The following PATJ variants were observed in gnomAD, a reference collection of about 807,000 sequenced individuals.
The protein encoded by PATJ is PATJ crumbs cell polarity complex component.
In PATJ, 190 loss-of-function variants were observed where a neutral mutation model predicts 224.9. That is an observed-to-expected ratio of 0.84 (90% CI 0.75 to 0.95). The LOEUF is 0.95. PATJ is among the 40% of genes least tolerant of loss of function. The probability of loss-of-function intolerance (pLI) is 0.00; values close to 1 mark genes in which losing one functional copy is unlikely to be tolerated. For synonymous variants in PATJ, 769 were observed against 820.3 expected, an observed-to-expected ratio of 0.94 and a Z score of 1.07; for missense variants, 2,121 against 2,270.3, an observed-to-expected ratio of 0.93 and a Z score of 1.34.
At chr1:62,002,742 A>AGG (rs374729730) in intron 28 of PATJ, among the ~76,000 whole-genome samples, 5,378 of 148,876 alleles carry the variant, frequency 0.036, 256 homozygotes, top group African/African-American at 0.1. Flanking sequence ...AAAGAGAGAG[A>AGG]GAAACTGGAG....
chr1:62,084,414 G>A, intron 32 of PATJ, 101 bp from the exon 33 acceptor site: 1 of 1,272,168 alleles, frequency 7.9e-7, no homozygotes, highest in Non-Finnish European at 1.1e-6. Context: ...AAAGAGTGCA[G>A]TGATAAACAC....
chr1:61,889,599 A>G (rs1255508351), intron 22 of PATJ, among the ~76,000 whole-genome samples: 1 of 152,210 alleles, frequency 6.6e-6, no homozygotes, highest in Non-Finnish European at 1.5e-5. Context: ...CTGGTAATCA[A>G]ATAGATCAGT....
chr1:61,917,008 A>G (rs1323854500), intron 26 of PATJ, among the ~76,000 whole-genome samples: 1 of 152,218 alleles, frequency 6.6e-6, no homozygotes, highest in Non-Finnish European at 1.5e-5. Flanking sequence ...CTTAGTTTTT[A>G]TAATAGTAAC....
At chr1:61,933,940 A>AT (rs370351153) in intron 27 of PATJ, among the ~76,000 whole-genome samples, 3,764 of 143,670 alleles carry the variant, frequency 0.026, 138 homozygotes, top group African/African-American at 0.088. Context: ...GTTCCTTTAC[A>AT]TTTTTTTTTT....
chr1:61,811,905 C>CA (rs998288032), intron 14 of PATJ, among the ~76,000 whole-genome samples: 5 of 151,122 alleles, frequency 3.3e-5, no homozygotes, highest in African/African-American at 1.2e-4. Flanking sequence ...ACTAAAAATA[C>CA]AAAAAATTAG....
intron 24 of PATJ, among the ~76,000 whole-genome samples, chr1:61,907,012 G>C (rs1671951809): frequency 6.6e-6 from 1 of 152,082 alleles, no homozygotes; most frequent in African/African-American, 2.4e-5. Flanking sequence ...CCATTCTGCT[G>C]TTCTTGTGAT....
intron 31 of PATJ, among the ~76,000 whole-genome samples, chr1:62,076,894 G>T (rs1260688973): frequency 1.3e-5 from 2 of 152,176 alleles, no homozygotes; most frequent in East Asian, 1.9e-4. Context: ...TAAGACACAG[G>T]CTCAATTGCT....
intron 22 of PATJ, among the ~76,000 whole-genome samples, chr1:61,889,893 G>T (rs1382015042): frequency 2.0e-5 from 3 of 152,184 alleles, no homozygotes; most frequent in Admixed American, 2.0e-4. Flanking sequence ...GAGTGGAGGG[G>T]ACTACTGTAT....
At chr1:61,819,754 G>A (rs1372054359) in intron 14 of PATJ, among the ~76,000 whole-genome samples, 1 of 152,142 alleles carries the variant, frequency 6.6e-6, no homozygotes, top group Non-Finnish European at 1.5e-5. Context: ...ATGCACAGTA[G>A]CGCTTCAATG....
intron 27 of PATJ, among the ~76,000 whole-genome samples, chr1:61,988,310 C>G (rs1342156249): frequency 3.3e-5 from 5 of 152,172 alleles, no homozygotes; most frequent in African/African-American, 7.2e-5. Context: ...GACCAGCAGT[C>G]GTAATGGTTG....
At chr1:61,781,791 T>C (rs1235402353) in intron 7 of PATJ, among the ~76,000 whole-genome samples, 1 of 152,216 alleles carries the variant, frequency 6.6e-6, no homozygotes, top group Non-Finnish European at 1.5e-5. Flanking sequence ...CCCACAGCTA[T>C]ATTTATTACA....
rs900270736 is a variant in PATJ at position 61,885,078 on chromosome 1, C to T, written c.3131+670C>T. ...TCAACACGAAGCTTAAACAATAAGG[C>T]AAGCATAGGGTCAAGATTGGAGTCC... On this transcript the variant is annotated intron_variant, in intron 22 of 43. Coordinates refer to ENST00000642238, the MANE Select transcript of PATJ (RefSeq NM_001350145.3). Among the ~76,000 whole-genome samples, 4 of 152,160 alleles carry T rather than the reference C, an allele frequency of 2.6e-5. No homozygotes were observed. In the East Asian group the frequency reaches 7.7e-4, roughly 29 times the overall value.
At chr1:61,754,520 G>GTTTTTTT (rs548557219) in intron 1 of PATJ, among the ~76,000 whole-genome samples, 2 of 94,446 alleles carry the variant, frequency 2.1e-5, no homozygotes, top group Non-Finnish European at 2.1e-5. Context: ...TTTTTTGCAT[G>GTTTTTTT]TTTTTTTTTT....
chr1:61,747,043 A>G (rs565333808), intron 1 of PATJ, among the ~76,000 whole-genome samples: 6 of 152,348 alleles, frequency 3.9e-5, no homozygotes, highest in African/African-American at 1.4e-4. Context: ...TGCTTTGTTA[A>G]AGTTTAACAA....
chr1:61,805,622 C>A, intron 13 of PATJ, 98 bp downstream of exon 13: 1 of 715,802 alleles, frequency 1.4e-6, no homozygotes, highest in South Asian at 1.8e-5. Context: ...AAGAATAGCC[C>A]GCCTGACTTT....
At chr1:62,060,807 G>A (rs755564248) in intron 31 of PATJ, among the ~76,000 whole-genome samples, 18 of 152,166 alleles carry the variant, frequency 1.2e-4, no homozygotes, top group Non-Finnish European at 2.1e-4. Context: ...CTCCCAGAGT[G>A]TTGGGATTAC....
At chr1:61,900,661 C>T (rs1460828690) in intron 23 of PATJ, among the ~76,000 whole-genome samples, 1 of 151,914 alleles carries the variant, frequency 6.6e-6, no homozygotes, top group Non-Finnish European at 1.5e-5. Context: ...GCAATCTCGG[C>T]TCACTGCAAG....
chr1:61,773,647 C>T lies in PATJ; in HGVS notation c.721-1559C>T, dbSNP rs369574882. ...ACTAAAAATACAAAAACTAGCCAAG[C>T]GTGGTGGTGCATGCTTGTAATCCCA... On this transcript the variant is annotated intron_variant, in intron 6 of 43. Transcript: ENST00000642238. 2.3e-3 allele frequency among the ~76,000 whole-genome samples: 345 copies of T among 151,918 alleles called. 3 individuals carry two copies. Among genetic ancestry groups the T allele is most frequent in the African/African-American group, 7.0e-3 (292 of 41,442 alleles).
At chr1:61,979,319 C>T (rs1644317283) in intron 27 of PATJ, among the ~76,000 whole-genome samples, 1 of 152,022 alleles carries the variant, frequency 6.6e-6, no homozygotes, top group Non-Finnish European at 1.5e-5. Context: ...AAATATCTTT[C>T]CTTCCCATCT....
Sources: gnomAD v4.1 joint callset for allele counts (sites outside exome capture counted in the v4.1 genomes callset) on GRCh38, gnomAD v4.1.1 for gene constraint, MANE v1.5 for transcripts, NCBI Gene and HGNC (gene_info 2026-07-23, HGNC 2026-07-21) for gene names.